The following PDSS2 variants were observed in gnomAD, a reference collection of about 807,000 sequenced individuals.
PDSS2 encodes decaprenyl diphosphate synthase subunit 2.
Under a neutral mutation model 44.5 loss-of-function variants are expected in PDSS2, and 31 were observed. That is an observed-to-expected ratio of 0.70 (90% confidence interval 0.52 to 0.94). The LOEUF (loss-of-function observed/expected upper bound fraction) is 0.94, where lower values mean the gene tolerates loss of function less well. Among genes scored for constraint, PDSS2 ranks in the 40% least tolerant of loss-of-function variants. The pLI, the probability that PDSS2 is intolerant of heterozygous loss-of-function variation, is 0.00. For synonymous variants in PDSS2, 157 were observed against 180.3 expected (o/e 0.87, Z 1.03); for missense variants, 452 against 482.2 (o/e 0.94, Z 0.59).
At chr6:107,232,082 G>T (rs1774070585) in intron 4 of PDSS2, among the ~76,000 whole-genome samples, 1 of 152,080 alleles carries the variant, frequency 6.6e-6, no homozygotes, top group Non-Finnish European at 1.5e-5. Flanking sequence ...TAGCACAGTT[G>T]CTAGCACGTA....
intron 1 of PDSS2, among the ~76,000 whole-genome samples, chr6:107,335,365 G>A (rs1777852846): frequency 6.6e-6 from 1 of 152,118 alleles, no homozygotes; most frequent in African/African-American, 2.4e-5. Context: ...CTTGGATGAA[G>A]TGATACTATT....
At chr6:107,249,780 C>T (rs187388707) in intron 3 of PDSS2, among the ~76,000 whole-genome samples, 1 of 152,144 alleles carries the variant, frequency 6.6e-6, no homozygotes, top group Non-Finnish European at 1.5e-5. Context: ...CAGCATAGGA[C>T]AGTAAATGGA....
chr6:107,417,312 C>T (rs1211446941), intron 1 of PDSS2, among the ~76,000 whole-genome samples: 1 of 152,036 alleles, frequency 6.6e-6, no homozygotes, highest in Non-Finnish European at 1.5e-5. Flanking sequence ...CCAATATTGG[C>T]AAAGATATAG....
intron 7 of PDSS2, chr6:107,192,653 C>T (rs1386962552): frequency 1.1e-5 from 2 of 179,988 alleles, no homozygotes; most frequent in South Asian, 2.2e-4. Context: ...ACACTCAGGT[C>T]CTGACCTGCT....
intron 6 of PDSS2, among the ~76,000 whole-genome samples, chr6:107,195,734 A>G (rs1772536990): frequency 6.6e-6 from 1 of 151,022 alleles, no homozygotes; most frequent in Admixed American, 6.6e-5. Flanking sequence ...TAATTTTTGT[A>G]TTTTTAGTAG....
At chr6:107,332,206 G>A (rs1379288245) in intron 2 of PDSS2, among the ~76,000 whole-genome samples, 2 of 151,746 alleles carry the variant, frequency 1.3e-5, no homozygotes, top group South Asian at 2.1e-4. Flanking sequence ...CAAGGCTCAA[G>A]CGATCCTTCC....
intron 3 of PDSS2, among the ~76,000 whole-genome samples, chr6:107,270,791 T>C (rs1296148129): frequency 6.6e-6 from 1 of 152,210 alleles, no homozygotes; most frequent in African/African-American, 2.4e-5. Flanking sequence ...TTATGTTTAA[T>C]AGAATATACT....
chr6:107,272,564 A>C (rs1775638083), intron 3 of PDSS2, among the ~76,000 whole-genome samples: 1 of 152,242 alleles, frequency 6.6e-6, no homozygotes, highest in African/African-American at 2.4e-5. Flanking sequence ...ATTTTACATG[A>C]GAGAAAAAAT....
At chr6:107,260,789 G>A (rs1410949647) in intron 3 of PDSS2, among the ~76,000 whole-genome samples, 4 of 149,636 alleles carry the variant, frequency 2.7e-5, no homozygotes, top group Admixed American at 1.3e-4. Context: ...TCAGCCTCCC[G>A]AGTAGCTGGG....
intron 1 of PDSS2, among the ~76,000 whole-genome samples, chr6:107,401,161 ACAGTACT>A (rs1780094513): frequency 6.6e-6 from 1 of 152,230 alleles, no homozygotes; most frequent in Non-Finnish European, 1.5e-5. Flanking sequence ...ATACAACTGT[ACAGTACT>A]CAGGAAGGAC....
In PDSS2 at chr6:107,459,492, C is replaced by T; in HGVS notation, c.-207G>A. 1 of 591,892 alleles carries T rather than the reference C, an allele frequency of 1.7e-6. No individual in the cohort carries two copies. Among genetic ancestry groups the T allele is most frequent in the Non-Finnish European group, 3.0e-6 (1 of 333,224 alleles). The allele number at this position is 591,892 out of a possible 1,614,324, so 36.7% of individuals were successfully genotyped here. ...GGCTGGGCAAACAACAGTCCCAGCTCAGCACTGCCCCCGGCCACCCGGGGT... is the reference window on the plus strand; with the variant it reads ...GGCTGGGCAAACAACAGTCCCAGCTTAGCACTGCCCCCGGCCACCCGGGGT... On this transcript the variant is annotated 5_prime_UTR_variant, in exon 1 of 8. Transcript: ENST00000369037. This position sits in a 1 kb window ranked among gnomAD's most constrained non-coding sequence, Gnocchi z 4.3.
At chr6:107,420,355 G>C (rs1172382063) in intron 1 of PDSS2, among the ~76,000 whole-genome samples, 3 of 152,266 alleles carry the variant, frequency 2.0e-5, no homozygotes, top group Non-Finnish European at 4.4e-5. Context: ...AACTATGATA[G>C]ATACAGACAA....
chr6:107,456,092 G>A (rs1782034151), intron 1 of PDSS2, among the ~76,000 whole-genome samples: 1 of 152,210 alleles, frequency 6.6e-6, no homozygotes, highest in Non-Finnish European at 1.5e-5. Context: ...GGAGGCTGAG[G>A]TGGGCAGATC....
chr6:107,390,435 A>C (rs1779744557), intron 1 of PDSS2, among the ~76,000 whole-genome samples: 1 of 152,186 alleles, frequency 6.6e-6, no homozygotes, highest in African/African-American at 2.4e-5. Flanking sequence ...AATACTCCTC[A>C]AAACTGTTAA....
Position 107,382,241 on chromosome 6 carries a change from G to C in PDSS2, c.297-47909C>G, listed in dbSNP as rs1297456898. Among the ~76,000 whole-genome samples the C allele has an allele frequency of 2.0e-5, 3 of 152,076 alleles. No individual in the cohort carries two copies. In the East Asian group the frequency reaches 5.8e-4, roughly 29 times the overall value. On this transcript the variant is annotated intron_variant, in intron 1 of 7. Transcript: ENST00000369037. ...GGAGGTAAACAAAAATGGCTGAAAA[G>C]CTAATACTTTTTTCTTTCCTTTTTT...
chr6:107,336,270 A>G (rs1777890415), intron 1 of PDSS2, among the ~76,000 whole-genome samples: 2 of 151,528 alleles, frequency 1.3e-5, no homozygotes, highest in Non-Finnish European at 2.9e-5. Context: ...AAAAAAAAAA[A>G]AAAAAAGGAA....
chr6:107,212,067 G>C, intron 5 of PDSS2, 42 bp downstream of exon 5: 3 of 1,523,542 alleles, frequency 2.0e-6, no homozygotes, highest in Non-Finnish European at 2.7e-6. Context: ...TGTCGTTTTA[G>C]CTATTTAAGT....
chr6:107,164,885 T>C (rs1275531906), intron 7 of PDSS2, among the ~76,000 whole-genome samples: 8 of 152,184 alleles, frequency 5.3e-5, no homozygotes, highest in South Asian at 2.1e-4. Flanking sequence ...GGTATCTCAT[T>C]GTGGTTTTGA....
chr6:107,428,833 G>C (rs1781083772), intron 1 of PDSS2, among the ~76,000 whole-genome samples: 1 of 152,124 alleles, frequency 6.6e-6, no homozygotes, highest in Non-Finnish European at 1.5e-5. Flanking sequence ...CAAGATTCCT[G>C]TCATTCATTC....
Sources: gnomAD v4.1 joint callset for allele counts (sites outside exome capture counted in the v4.1 genomes callset) on GRCh38, gnomAD v4.1.1 for gene constraint, Gnocchi (gnomAD v3.1) non-coding constraint, MANE v1.5 for transcripts, NCBI Gene and HGNC (gene_info 2026-07-23, HGNC 2026-07-21) for gene names.